ARHGEF26: variants seen among roughly 807,000 people sequenced by gnomAD.
ARHGEF26 encodes Rho guanine nucleotide exchange factor (GEF) 26.
In ARHGEF26, 59 loss-of-function variants were observed where a neutral mutation model predicts 89.4. The ratio of observed to expected loss-of-function variants is 0.66; its 90% CI spans 0.54 to 0.82. The LOEUF is 0.82. Ranked by LOEUF, ARHGEF26 falls within the 40% of genes least tolerant of loss-of-function variation. The pLI, the probability that ARHGEF26 is intolerant of heterozygous loss-of-function variation, is 0.00. For missense variants in ARHGEF26, 1,234 were observed against 1,085.6 expected (o/e 1.14, Z -1.92); for synonymous variants, 500 against 428.4 (o/e 1.17, Z -2.06).
In ARHGEF26 at chr3:154,122,591, G is replaced by A. The variant is rs1329175135; in HGVS notation, c.599G>A (p.Arg200Gln). Reference protein sequence around the residue: ...QSGRKAKDPERGLFPGPQKSS... With the variant: ...QSGRKAKDPEQGLFPGPQKSS... ...GGCCGGAAGGCAAAGGACCCCGAAC[G>A]GGGGCTCTTTCCTGGGCCCCAGAAA... Residue 200 changes from arginine (R) to glutamine (Q), a missense_variant, in exon 2 of 15, where the codon CGG becomes CAG. Coordinates refer to ENST00000465093, the MANE Select transcript of ARHGEF26 (RefSeq NM_015595.4). 1.2e-6 allele frequency: 2 copies of A among 1,613,640 alleles called. No individual in the cohort carries two copies. Among genetic ancestry groups the A allele is most frequent in the Non-Finnish European group, 1.7e-6 (2 of 1,179,882 alleles).
At chr3:154,136,036 G>T (rs1486038563) in intron 4 of ARHGEF26, among the ~76,000 whole-genome samples, 6 of 152,044 alleles carry the variant, frequency 3.9e-5, no homozygotes, top group African/African-American at 1.2e-4. Context: ...ACCTTGAAAT[G>T]CCAGATACCT....
intron 11 of ARHGEF26, among the ~76,000 whole-genome samples, chr3:154,234,392 T>C (rs1716986611): frequency 6.6e-6 from 1 of 152,134 alleles, no homozygotes; most frequent in South Asian, 2.1e-4. Context: ...TAACAGCACC[T>C]CTCTGACCAC....
At chr3:154,253,647 G>A (rs1224789530) in intron 13 of ARHGEF26, among the ~76,000 whole-genome samples, 1 of 152,160 alleles carries the variant, frequency 6.6e-6, no homozygotes, top group Non-Finnish European at 1.5e-5. Context: ...AATTACCTAA[G>A]AATTCTTTTT....
At chr3:154,162,894 G>A (rs1031762076) in intron 6 of ARHGEF26, among the ~76,000 whole-genome samples, 1 of 152,116 alleles carries the variant, frequency 6.6e-6, no homozygotes, top group Non-Finnish European at 1.5e-5. Context: ...TCATACAAAT[G>A]CACTATAATA....
At chr3:154,237,361 G>A (rs1380382162) in intron 11 of ARHGEF26, among the ~76,000 whole-genome samples, 1 of 152,038 alleles carries the variant, frequency 6.6e-6, no homozygotes, top group Non-Finnish European at 1.5e-5. Flanking sequence ...GGCCAACATG[G>A]TGAAACCCTG....
chr3:154,121,726 G>A (rs546824493), intron 1 of ARHGEF26, among the ~76,000 whole-genome samples: 3 of 152,276 alleles, frequency 2.0e-5, no homozygotes, highest in African/African-American at 7.2e-5. Flanking sequence ...GGAGGGACGC[G>A]GAGGTGATTG....
intron 11 of ARHGEF26, among the ~76,000 whole-genome samples, chr3:154,238,626 C>A (rs1374039459): frequency 6.6e-6 from 1 of 152,134 alleles, no homozygotes; most frequent in Admixed American, 6.6e-5. Context: ...CCCCTGACAT[C>A]ATTCATTTGC....
At chr3:154,164,524 G>A (rs1711878446) in intron 6 of ARHGEF26, among the ~76,000 whole-genome samples, 1 of 151,986 alleles carries the variant, frequency 6.6e-6, no homozygotes, top group African/African-American at 2.4e-5. Flanking sequence ...AAAAATTTTG[G>A]TGGAAAGGTT....
rs541634676 is a variant in ARHGEF26, at chr3:154,124,247, ACTC to A, written c.1084-158_1084-156del. Among the ~76,000 whole-genome samples, 326 of 152,102 alleles carry A rather than the reference ACTC, an allele frequency of 2.1e-3. 1 individual carries two copies. The highest frequency in any genetic ancestry group is 3.7e-3 in the Admixed American group (57 of 15,282). ...TGAATTGTAGTGATCAAATGAGTGA[ACTC>A]CTCCAGGGCTCAGCTTCTGTGCGCT... is the stretch of plus-strand genomic sequence containing the variant. On this transcript the variant is annotated intron_variant, in intron 2 of 14. Coordinates refer to ENST00000465093, the MANE Select transcript of ARHGEF26 (RefSeq NM_015595.4).
chr3:154,168,155 C>T (rs1712165462), intron 6 of ARHGEF26, among the ~76,000 whole-genome samples: 1 of 152,174 alleles, frequency 6.6e-6, no homozygotes, highest in Non-Finnish European at 1.5e-5. Context: ...CTGTAATTTA[C>T]AGATAGTATC....
upstream of ARHGEF26, chr3:154,121,314 C>G (rs548126315): frequency 2.2e-4 from 33 of 151,596 alleles, no homozygotes; most frequent in African/African-American, 7.7e-4. Context: ...TTGCTTCTGG[C>G]TGCGATGGAG....
chr3:154,127,690 T>C (rs563588125), intron 3 of ARHGEF26, among the ~76,000 whole-genome samples: 1 of 151,928 alleles, frequency 6.6e-6, no homozygotes, highest in African/African-American at 2.4e-5. Context: ...AGTAACATAG[T>C]TTATTATCAT....
At chr3:154,156,668 G>A (rs1720358684) in intron 6 of ARHGEF26, among the ~76,000 whole-genome samples, 1 of 152,140 alleles carries the variant, frequency 6.6e-6, no homozygotes, top group Admixed American at 6.6e-5. Context: ...AAAGTACTCA[G>A]AAGATTTATT....
intron 4 of ARHGEF26, among the ~76,000 whole-genome samples, chr3:154,141,576 CTT>C (rs887105217): frequency 6.6e-6 from 1 of 152,194 alleles, no homozygotes; most frequent in East Asian, 1.9e-4. Flanking sequence ...GACTGACTGA[CTT>C]TTGTCTAGTG....
intron 6 of ARHGEF26, among the ~76,000 whole-genome samples, chr3:154,172,081 A>G (rs1472999748): frequency 6.6e-6 from 1 of 152,160 alleles, no homozygotes; most frequent in Admixed American, 6.5e-5. Context: ...TGTCAATGAG[A>G]TACAGAGTTG....
Position 154,122,773 on chromosome 3 carries a change from ATAAG to A in ARHGEF26, c.785_788del (p.Ser262AsnfsTer23), listed in dbSNP as rs1262745781. On this transcript the variant is annotated frameshift_variant, in exon 2 of 15. Transcript: ENST00000465093. LOFTEE classifies it high-confidence loss of function. ...GAAGAGTCTGGCCTCGGAAATTAAA[ATAAG>A]TAAATCCAACAATCAAAATGTGGAG... The A allele has an allele frequency of 6.2e-7, 1 of 1,611,230 alleles. No homozygotes were observed. Among genetic ancestry groups the A allele is most frequent in the East Asian group, 2.2e-5 (1 of 44,768 alleles).
At chr3:154,154,169 G>C (rs921953651) in intron 6 of ARHGEF26, among the ~76,000 whole-genome samples, 1 of 151,954 alleles carries the variant, frequency 6.6e-6, no homozygotes, top group Non-Finnish European at 1.5e-5. Context: ...TGCTCAAATT[G>C]TTCCATCTTT....
Position 154,129,762 on chromosome 3 carries a change from A to T in ARHGEF26, c.1269+43A>T, listed in dbSNP as rs202240716. The stretch of plus-strand genomic sequence containing the variant: ...TTTCTATCTGTGGTAGGAAAAAAAC[A>T]AGTTTTGGAAATTATGTGTGGATTT... On this transcript the variant is annotated intron_variant, in intron 4 of 14. Coordinates refer to ENST00000465093, the MANE Select transcript of ARHGEF26 (RefSeq NM_015595.4). 4.3e-4 allele frequency: 670 copies of T among 1,560,132 alleles called. 2 individuals are homozygous for T. In the African/African-American group the frequency reaches 8.5e-3, roughly 20 times the overall value.
chr3:154,169,772 T>C (rs920190903), intron 6 of ARHGEF26, among the ~76,000 whole-genome samples: 7 of 152,166 alleles, frequency 4.6e-5, no homozygotes, highest in African/African-American at 1.7e-4. Context: ...CTGTATACAT[T>C]AAATAAGGTG....
Sources: allele counts gnomAD v4.1 joint callset (sites outside exome capture counted in the v4.1 genomes callset), GRCh38; gene constraint gnomAD v4.1.1; transcripts MANE v1.5; gene names NCBI Gene and HGNC (gene_info 2026-07-23, HGNC 2026-07-21).